CEP295NL: variants seen among roughly 807,000 people sequenced by gnomAD.
CEP295NL encodes CEP295 N-terminal like.
Under a neutral mutation model 4.6 loss-of-function variants are expected in CEP295NL, and 3 were observed. The observed-to-expected ratio is 0.65, with a 90% CI of 0.30 to 1.69. The LOEUF (loss-of-function observed/expected upper bound fraction) is 1.69, where lower values mean the gene tolerates loss of function less well. CEP295NL is among the 40% of genes most tolerant of loss of function. The probability of loss-of-function intolerance (pLI) is 0.10; values close to 1 mark genes in which losing one functional copy is unlikely to be tolerated. For synonymous variants in CEP295NL, 295 were observed against 312.2 expected (o/e 0.94, Z 0.58); for missense variants, 719 against 769.0 (o/e 0.93, Z 0.77).
chr17:78,895,411 T>G (rs2069983769), intron 2 of CEP295NL, among the ~76,000 whole-genome samples: 1 of 152,214 alleles, frequency 6.6e-6, no homozygotes, highest in Admixed American at 6.5e-5. Flanking sequence ...AAATGCACAC[T>G]GACCCTGCAG....
In CEP295NL at chr17:78,891,275, G is replaced by C. The variant is rs2069888416; in HGVS notation, c.1229C>G (p.Ala410Gly). The C allele has an allele frequency of 6.4e-7, 1 of 1,550,448 alleles. No individual in the cohort carries two copies. The highest frequency in any genetic ancestry group is 1.4e-5 in the African/African-American group (1 of 73,026). Residue 410 changes from alanine (A) to glycine (G), a missense_variant, in exon 3 of 3, where the codon GCA becomes GGA. Ala to Gly is a moderately conservative substitution (Grantham distance 60). Transcript: ENST00000322630. This position sits in a 1 kb window ranked among gnomAD's most constrained non-coding sequence, Gnocchi z 4.5. Reference protein sequence around the residue: ...MLPAGEPRSPAEEEAQQAASK... With the variant: ...MLPAGEPRSPGEEEAQQAASK... ...CGCTGCCTGCTGCGCCTCCTCCTCT[G>C]CTGGGCTCCTGGGTTCCCCGGCAGG... is the stretch of plus-strand genomic sequence containing the variant.
Position 78,891,122 on chromosome 17 carries a change from T to G in CEP295NL, c.1382A>C (p.Glu461Ala), listed in dbSNP as rs1291467115. 1 of 1,550,788 alleles carries G rather than the reference T, an allele frequency of 6.4e-7. No individual in the cohort carries two copies. The highest frequency in any genetic ancestry group is 1.2e-5 in the South Asian group (1 of 84,064). Residue 461 changes from glutamate (E) to alanine (A), a missense_variant, in exon 3 of 3, where the codon GAG becomes GCG. Coordinates refer to ENST00000322630, the MANE Select transcript of CEP295NL (RefSeq NM_001243540.2). This position sits in a 1 kb window ranked among gnomAD's most constrained non-coding sequence, Gnocchi z 4.5. ...TTCAGTGCTATACAATAATGAGTCC[T>G]CTTTGTTGATAAATATACCTGCCTC... is the stretch of plus-strand genomic sequence containing the variant. ...SPEAGIFINK[E>A]DSLLYSTESG...
rs1235568538 is a variant in CEP295NL at position 78,892,449 on chromosome 17, C to T, written c.55G>A (p.Glu19Lys). 3 of 1,547,544 alleles carry T rather than the reference C, an allele frequency of 1.9e-6. No individual in the cohort carries two copies. The highest frequency in any genetic ancestry group is 2.6e-6 in the Non-Finnish European group (3 of 1,145,350). The change falls in exon 3 of 3, where the codon GAA (glutamate) becomes AAA (lysine). Residue 19 changes from glutamate to lysine, a missense_variant. Glu to Lys is a moderately conservative substitution (Grantham distance 56). Transcript: ENST00000322630. Reference protein sequence around the residue: ...VIWRHTQFAVERCGFCGSSGP... With the variant: ...VIWRHTQFAVKRCGFCGSSGP... ...GAGGAGCCACAGAAGCCACAACGTT[C>T]CACAGCAAACCTACGAGGAAGGGAG...
At position 78,890,757 on chromosome 17, in the gene CEP295NL, CGTCGTCGGCG is replaced by C. The variant is rs2069876106; in HGVS notation, c.1737_1746del (p.Ala580ThrfsTer6). ...TCTCGGATCATCTGACTGTGCCGGT[CGTCGTCGGCG>C]AGGCTGGTGCCCGATGGGGAAGTGG... On this transcript the variant is annotated frameshift_variant, in exon 3 of 3. Transcript: ENST00000322630. LOFTEE classifies it high-confidence loss of function. 1.3e-6 allele frequency: 2 copies of C among 1,550,498 alleles called. No individual in the cohort carries two copies. The highest frequency in any genetic ancestry group is 1.7e-6 in the Non-Finnish European group (2 of 1,147,008).
In CEP295NL at chr17:78,893,429, AGGGG is replaced by A. The variant is rs1203724299; in HGVS notation, c.45-974_45-971del. Among the ~76,000 whole-genome samples, 454 of 47,044 alleles carry A rather than the reference AGGGG, an allele frequency of 9.7e-3. 9 individuals are homozygous for A. Among genetic ancestry groups the A allele is most frequent in the African/African-American group, 0.076 (313 of 4,130 alleles). 30.9% of individuals were successfully genotyped at this position (47,044 alleles called of 152,430 possible). On this transcript the variant is annotated intron_variant, in intron 2 of 2. Transcript: ENST00000322630. ...TGTGTGTGCATAGGGGTGTGTGTGC[AGGGG>A]TGTGTGCGTGGGGCTGTGTGTGCAG...
rs1161419330 is a variant in CEP295NL at position 78,890,756 on chromosome 17, T to C, written c.1748A>G (p.Asp583Gly). The change falls in exon 3 of 3, where the codon GAC becomes GGC. Residue 583 changes from aspartate (D) to glycine (G), a missense_variant. Transcript: ENST00000322630. ...GTCTCGGATCATCTGACTGTGCCGG[T>C]CGTCGTCGGCGAGGCTGGTGCCCGA... ...SPSGTSLADD[D>G]RHSQMIRDQQ... 6.4e-7 allele frequency: 1 copy of C among 1,550,550 alleles called. No homozygotes were observed. The highest frequency in any genetic ancestry group is 8.7e-7 in the Non-Finnish European group (1 of 1,147,004).
At position 78,891,543 on chromosome 17, in the gene CEP295NL, C is replaced by A; in HGVS notation, c.961G>T (p.Glu321Ter). The change falls in exon 3 of 3, where the codon GAA becomes TAA. Residue 321 changes from glutamate (E) to a stop codon, truncating the protein, a stop_gained. Transcript: ENST00000322630. LOFTEE classifies it low-confidence loss of function (END_TRUNC). The surrounding 1 kb of genome is among the most constrained non-coding windows in gnomAD (Gnocchi z 4.5). The stretch of plus-strand genomic sequence containing the variant: ...CACTGAGATGCTGGGGACACGGCTT[C>A]CCTTCTGCAGCTGGAATCAGCTGGC... ...LWPADSSCRR[E>*]AVSPASQCTL... 6.4e-7 allele frequency: 1 copy of A among 1,551,006 alleles called. No individual in the cohort carries two copies. The highest frequency in any genetic ancestry group is 8.7e-7 in the Non-Finnish European group (1 of 1,147,092).
rs1368154623 is a variant in CEP295NL at position 78,892,244 on chromosome 17, C to A, written c.260G>T (p.Gly87Val). Residue 87 changes from glycine to valine, a missense_variant, in exon 3 of 3, where the codon GGC becomes GTC. Transcript: ENST00000322630. Reference protein sequence around the residue: ...RKKHKLLQARGKGDLALQRRA... With the variant: ...RKKHKLLQARVKGDLALQRRA... Reference sequence around the variant, plus strand: ...TCTCTGCAGAGCGAGATCGCCTTTGCCCCGGGCTTGTAGCAATTTGTGCTT... The same window carrying A: ...TCTCTGCAGAGCGAGATCGCCTTTGACCCGGGCTTGTAGCAATTTGTGCTT... 10 of 1,550,820 alleles carry A rather than the reference C, an allele frequency of 6.4e-6. No homozygotes were observed. Among genetic ancestry groups the A allele is most frequent in the Non-Finnish European group, 8.7e-6 (10 of 1,147,080 alleles).
At chr17:78,899,544 G>C (rs1406349149) in intron 2 of CEP295NL, 1 of 152,278 alleles carries the variant, frequency 6.6e-6, no homozygotes, top group African/African-American at 2.4e-5. Flanking sequence ...CAGTTCACCA[G>C]CTGCCCTGCC....
intron 2 of CEP295NL, chr17:78,897,109 C>T (rs1015045401): frequency 1.5e-5 from 8 of 523,218 alleles, no homozygotes; most frequent in African/African-American, 2.1e-5. Context: ...CCCCGCCCCC[C>T]GCCGGCCTCC....
chr17:78,901,713 A>G, intron 2 of CEP295NL, 72 bp downstream of exon 2: 1 of 717,156 alleles, frequency 1.4e-6, no homozygotes, highest in Non-Finnish European at 2.6e-6. Context: ...AGCAGCACCC[A>G]TCTACAGAGA....
Position 78,891,874 on chromosome 17 carries a change from C to T in CEP295NL, c.630G>A (p.Thr210=), listed in dbSNP as rs1037234759. The change falls in exon 3 of 3, where the codon ACG becomes ACA. Residue 210 remains threonine (T), a synonymous_variant. Transcript: ENST00000322630. The surrounding 1 kb of genome is among the most constrained non-coding windows in gnomAD (Gnocchi z 4.5). The part of the protein sequence containing the change: ...SPEKPQTTKA[T]GRMNSHLAPP... ...GGGCCAGGTGAGAATTCATCCGACC[C>T]GTGGCTTTTGTAGTCTGTGGTTTCT... is the stretch of plus-strand genomic sequence containing the variant. The T allele has an allele frequency of 1.2e-5, 18 of 1,550,540 alleles. No homozygotes were observed. The highest frequency in any genetic ancestry group is 6.8e-5 in the African/African-American group (5 of 73,048).
intron 2 of CEP295NL, chr17:78,901,160 C>G (rs558604617): frequency 6.5e-6 from 1 of 152,934 alleles, no homozygotes; most frequent in African/African-American, 2.4e-5. Context: ...GCCGAGAGCT[C>G]GGCAGAGACA....
intron 2 of CEP295NL, among the ~76,000 whole-genome samples, chr17:78,900,363 T>C (rs1477642389): frequency 6.6e-6 from 1 of 151,998 alleles, no homozygotes; most frequent in East Asian, 1.9e-4. Flanking sequence ...CTGACCAACG[T>C]GGTGAAACCT....
chr17:78,893,224 GGT>G lies in CEP295NL; in HGVS notation c.45-767_45-766del, dbSNP rs544733250. Among the ~76,000 whole-genome samples, 492 of 135,328 alleles carry G rather than the reference GGT, an allele frequency of 3.6e-3. 7 individuals are homozygous for G. Among genetic ancestry groups the G allele is most frequent in the African/African-American group, 0.013 (454 of 35,878 alleles). The allele number at this position is 135,328 out of a possible 152,430, so 88.8% of individuals were successfully genotyped here. ...GGATGTGTGTGCATGTGTGTGCAGGGGTGTGTGTGCATGTGTGTGTAGGAGTG... is the reference window on the plus strand; with the variant it reads ...GGATGTGTGTGCATGTGTGTGCAGGGGTGTGTGCATGTGTGTGTAGGAGTG... On this transcript the variant is annotated intron_variant, in intron 2 of 2. Transcript: ENST00000322630.
Position 78,891,347 on chromosome 17 carries a change from C to A in CEP295NL, c.1157G>T (p.Gly386Val). 1 of 1,550,470 alleles carries A rather than the reference C, an allele frequency of 6.4e-7. No individual in the cohort carries two copies. The highest frequency in any genetic ancestry group is 8.7e-7 in the Non-Finnish European group (1 of 1,146,940). Residue 386 changes from glycine (G) to valine (V), a missense_variant, in exon 3 of 3, where the codon GGC (glycine) becomes GTC (valine). Transcript: ENST00000322630. This position sits in a 1 kb window ranked among gnomAD's most constrained non-coding sequence, Gnocchi z 4.5. ...TTTCTTCCCTCTTGGGGTCCCAGCGCCACACTCTTGCATCTCTGAGAAGGC... is the reference window on the plus strand; with the variant it reads ...TTTCTTCCCTCTTGGGGTCCCAGCGACACACTCTTGCATCTCTGAGAAGGC... The part of the protein sequence containing the change: ...GHAFSEMQEC[G>V]AGTPRGKKMA...
At chr17:78,900,289 T>G (rs1265362521) in intron 2 of CEP295NL, 1 of 152,204 alleles carries the variant, frequency 6.6e-6, no homozygotes, top group East Asian at 1.9e-4. Flanking sequence ...CTCACGCCTG[T>G]AATCCCAGCA....
At chr17:78,893,849 G>A (rs928927489) in intron 2 of CEP295NL, among the ~76,000 whole-genome samples, 41 of 152,226 alleles carry the variant, frequency 2.7e-4, no homozygotes, top group African/African-American at 8.7e-4. Context: ...CCTAGGAAAG[G>A]AGGGGCATTT....
In CEP295NL at chr17:78,891,415, C is replaced by A; in HGVS notation, c.1089G>T (p.Leu363=). The A allele has an allele frequency of 3.2e-6, 5 of 1,550,768 alleles. No individual in the cohort carries two copies. Among genetic ancestry groups the A allele is most frequent in the Non-Finnish European group, 4.4e-6 (5 of 1,147,054 alleles). The part of the protein sequence containing the change: ...RKLKKHLCLY[L]ALKPRMDQRP... ...TCTGGTCCATCCTGGGCTTCAGTGC[C>A]AGGTACAAGCACAGGTGTTTTTTCA... Residue 363 remains leucine (L), a synonymous_variant, in exon 3 of 3, where the codon CTG becomes CTT. Coordinates refer to ENST00000322630, the MANE Select transcript of CEP295NL (RefSeq NM_001243540.2). This position sits in a 1 kb window ranked among gnomAD's most constrained non-coding sequence, Gnocchi z 4.5.
Sources: gnomAD v4.1 joint callset for allele counts (sites outside exome capture counted in the v4.1 genomes callset) on GRCh38, gnomAD v4.1.1 for gene constraint, Gnocchi (gnomAD v3.1) non-coding constraint, MANE v1.5 for transcripts, NCBI Gene and HGNC (gene_info 2026-07-23, HGNC 2026-07-21) for gene names.